Variants in GNL3L observed in about 807,000 individuals in gnomAD.
GNL3L encodes the protein G protein nucleolar 3 like.
In GNL3L, 4 loss-of-function variants were observed where a neutral mutation model predicts 42.9. That is an observed-to-expected ratio of 0.09 (90% CI 0.05 to 0.21). GNL3L has a LOEUF of 0.21. Among genes scored for constraint, GNL3L ranks in the 10% least tolerant of loss-of-function variants. The pLI, the probability that GNL3L is intolerant of heterozygous loss-of-function variation, is 1.00. For synonymous variants in GNL3L, 159 were observed against 176.3 expected, an observed-to-expected ratio of 0.90 and a Z score of 0.78; for missense variants, 412 against 481.7, an observed-to-expected ratio of 0.86 and a Z score of 1.36.
At position 54,564,983 on chromosome X, in the gene GNL3L, C is replaced by T. The variant is rs1925385274; in HGVS notation, c.*4381C>T. Among the ~76,000 whole-genome samples the T allele has an allele frequency of 1.8e-5, 2 of 109,908 alleles. No individual in the cohort carries two copies. The highest frequency in any genetic ancestry group is 7.9e-4 in the South Asian group (2 of 2,547). On this transcript the variant is annotated 3_prime_UTR_variant, in exon 16 of 16. Transcript: ENST00000360845. ...CTTCTGACCTCAAAAGATCCACCCACCTCGGCCTCCCAAAGTGCTGGGATT... is the reference window on the plus strand; with the variant it reads ...CTTCTGACCTCAAAAGATCCACCCATCTCGGCCTCCCAAAGTGCTGGGATT...
At chrX:54,572,790 G>A (rs1169192563) in intron 16 of GNL3L, among the ~76,000 whole-genome samples, 6 of 108,697 alleles carry the variant, frequency 5.5e-5, no homozygotes, top group South Asian at 4.1e-4. Flanking sequence ...CTTCTCAGAC[G>A]GGGCAGCTGC....
intron 16 of GNL3L, among the ~76,000 whole-genome samples, chrX:54,602,489 G>A (rs146638318): frequency 0.012 from 1,275 of 110,384 alleles, 12 homozygotes; most frequent in Middle Eastern, 0.028. Flanking sequence ...TAGAGTTTGT[G>A]AGTCTGTCCA....
chrX:54,618,967 G>T (rs924183276), intron 16 of GNL3L, among the ~76,000 whole-genome samples: 7 of 111,260 alleles, frequency 6.3e-5, no homozygotes, highest in African/African-American at 2.0e-4. Context: ...AAAAATTAAA[G>T]CACCATGATA....
the GNL3L span, among the ~76,000 whole-genome samples, chrX:54,632,034 A>T: frequency 8.9e-6 from 1 of 112,085 alleles, no homozygotes; most frequent in African/African-American, 3.2e-5. Context: ...TATGAAGCTT[A>T]GTTTCACTGG....
intron 16 of GNL3L, among the ~76,000 whole-genome samples, chrX:54,580,333 A>C (rs1341388294): frequency 9.2e-6 from 1 of 109,166 alleles, no homozygotes; most frequent in Non-Finnish European, 1.9e-5. Context: ...TGAACTCATC[A>C]TTTTTTATGG....
Position 54,551,031 on chromosome X carries a change from G to A in GNL3L, c.844G>A (p.Ala282Thr). The change falls in exon 10 of 16, where the codon GCT becomes ACT. Residue 282 changes from alanine (A) to threonine (T), a missense_variant. Physicochemically the swap from Ala to Thr is moderately conservative, Grantham distance 58. Coordinates refer to ENST00000360845, the MANE Select transcript of GNL3L (RefSeq NM_001184819.2). ...GCGCAGCCGCGCATGCAGCGTGGGAGCTGTTCCTGGAATTACCAAGTAAGC... is the reference window on the plus strand; with the variant it reads ...GCGCAGCCGCGCATGCAGCGTGGGAACTGTTCCTGGAATTACCAAGTAAGC... ...LKRSRACSVGAVPGITKFMQE... is the reference protein window; with the variant it reads ...LKRSRACSVGTVPGITKFMQE... 9.0e-7 allele frequency: 1 copy of A among 1,114,536 alleles called. No homozygotes were observed. Among genetic ancestry groups the A allele is most frequent in the East Asian group, 3.0e-5 (1 of 33,431 alleles). 91.9% of individuals were successfully genotyped at this position (1,114,536 alleles called of 1,213,427 possible).
intron 16 of GNL3L, among the ~76,000 whole-genome samples, chrX:54,613,048 T>C (rs1926180766): frequency 8.9e-6 from 1 of 111,851 alleles, no homozygotes; most frequent in Non-Finnish European, 1.9e-5. Flanking sequence ...GGTTCTCTTC[T>C]TTCTTAGGAA....
chrX:54,543,465 A>C, intron 7 of GNL3L, 123 bp downstream of exon 7: 2 of 728,539 alleles, frequency 2.7e-6, no homozygotes, highest in Non-Finnish European at 4.1e-6. Flanking sequence ...CAAAGTAGAA[A>C]TTTTTGTTCC....
At chrX:54,575,642 G>A (rs1426346365) in intron 16 of GNL3L, among the ~76,000 whole-genome samples, 1 of 111,888 alleles carries the variant, frequency 8.9e-6, no homozygotes, top group African/African-American at 3.2e-5. Context: ...GCTGAGGCAG[G>A]AGAATGGCGT....
At chrX:54,546,772 G>A (rs1292796713) in intron 8 of GNL3L, among the ~76,000 whole-genome samples, 11 of 110,088 alleles carry the variant, frequency 1.0e-4, no homozygotes, top group Admixed American at 1.9e-4. Flanking sequence ...TCAGCCTCCC[G>A]AGTAGCTGGG....
chrX:54,579,829 C>T (rs953623481), intron 16 of GNL3L, among the ~76,000 whole-genome samples: 3 of 111,331 alleles, frequency 2.7e-5, no homozygotes, highest in Admixed American at 9.6e-5. Flanking sequence ...AGGCATGCGC[C>T]ACAACGCCTG....
At chrX:54,612,022 C>G (rs1926166891) in intron 16 of GNL3L, among the ~76,000 whole-genome samples, 1 of 111,981 alleles carries the variant, frequency 8.9e-6, no homozygotes, top group East Asian at 2.8e-4. Context: ...CAGTGGAATA[C>G]TGAAGTCCCC....
intron 16 of GNL3L, among the ~76,000 whole-genome samples, chrX:54,591,443 A>G (rs758835498): frequency 1.5e-4 from 16 of 109,666 alleles, no homozygotes; most frequent in African/African-American, 5.0e-4. Flanking sequence ...AAATACAAAA[A>G]TTAGCTGGGT....
chrX:54,636,407 A>C, the GNL3L span, among the ~76,000 whole-genome samples: 68 of 111,921 alleles, frequency 6.1e-4, 1 homozygote, highest in East Asian at 8.4e-3. Flanking sequence ...CAGAGAGTAC[A>C]TATGCAAATT....
chrX:54,630,510 C>T, the GNL3L span, among the ~76,000 whole-genome samples: 1 of 110,738 alleles, frequency 9.0e-6, no homozygotes. Context: ...TCATTGTTGA[C>T]TCAAAGATCA....
chrX:54,533,817 G>A (rs1924340316), intron 2 of GNL3L, among the ~76,000 whole-genome samples: 1 of 110,149 alleles, frequency 9.1e-6, no homozygotes, highest in Non-Finnish European at 1.9e-5. Context: ...CTTTATTTAG[G>A]AACATCTAAT....
intron 2 of GNL3L, among the ~76,000 whole-genome samples, chrX:54,533,124 T>A (rs2147468191): frequency 9.0e-6 from 1 of 111,591 alleles, no homozygotes; most frequent in Admixed American, 9.6e-5. Context: ...CAAGGTTAAG[T>A]GACTTGATCT....
the GNL3L span, among the ~76,000 whole-genome samples, chrX:54,642,132 CT>C: frequency 1.3e-4 from 15 of 111,201 alleles, no homozygotes; most frequent in African/African-American, 4.6e-4. Context: ...CAAAAACAGC[CT>C]TTTAAATAGG....
intron 2 of GNL3L, among the ~76,000 whole-genome samples, chrX:54,534,462 A>G (rs1012091029): frequency 9.0e-6 from 1 of 111,080 alleles, no homozygotes; most frequent in Non-Finnish European, 1.9e-5. Context: ...GCTACGGCAG[A>G]GGAAGGATGA....
Sources: gnomAD v4.1 joint callset for allele counts (sites outside exome capture counted in the v4.1 genomes callset) on GRCh38, gnomAD v4.1.1 for gene constraint, MANE v1.5 for transcripts, NCBI Gene and HGNC (gene_info 2026-07-23, HGNC 2026-07-21) for gene names.